The following CADPS variants were observed in gnomAD, a reference collection of about 807,000 sequenced individuals.
CADPS encodes the protein calcium-dependent secretion activator 1.
In CADPS, 57 loss-of-function variants were observed where a neutral mutation model predicts 167.3. The observed-to-expected ratio is 0.34, with a 90% CI of 0.28 to 0.42. The LOEUF (loss-of-function observed/expected upper bound fraction) is 0.42, where lower values mean the gene tolerates loss of function less well. Ranked by LOEUF, CADPS falls within the 20% of genes least tolerant of loss-of-function variation. The probability of loss-of-function intolerance (pLI) is 1.00; values close to 1 mark genes in which losing one functional copy is unlikely to be tolerated. For synonymous variants in CADPS, 676 were observed against 635.3 expected (o/e 1.06, Z -0.96); for missense variants, 1,414 against 1,738.1 (o/e 0.81, Z 3.32).
intron 1 of CADPS, among the ~76,000 whole-genome samples, chr3:62,810,678 T>C (rs939470350): frequency 1.1e-4 from 17 of 152,194 alleles, no homozygotes; most frequent in Non-Finnish European, 1.9e-4. Flanking sequence ...TGCTAAGTCA[T>C]AGAAAACTGA....
chr3:62,625,606 T>G (rs2924118), intron 6 of CADPS: 1 of 150,996 alleles, frequency 6.6e-6, no homozygotes, highest in African/African-American at 2.5e-5. Context: ...CCTATATTTA[T>G]AGATTTCTTT....
chr3:62,555,712 C>T (rs939217253), intron 10 of CADPS, among the ~76,000 whole-genome samples: 1 of 152,088 alleles, frequency 6.6e-6, no homozygotes, highest in Non-Finnish European at 1.5e-5. Flanking sequence ...CCTTTAGCGT[C>T]CCATTTTATG....
intron 1 of CADPS, among the ~76,000 whole-genome samples, chr3:62,770,689 G>A (rs1194782591): frequency 1.3e-5 from 2 of 152,216 alleles, no homozygotes; most frequent in Non-Finnish European, 2.9e-5. Context: ...GCCTCCCAAA[G>A]TGCTGGGATT....
At chr3:62,732,106 G>C (rs986884372) in intron 3 of CADPS, among the ~76,000 whole-genome samples, 1 of 152,126 alleles carries the variant, frequency 6.6e-6, no homozygotes, top group Non-Finnish European at 1.5e-5. Context: ...ATTTGTGGTA[G>C]GTAGCTTCTA....
At position 62,852,930 on chromosome 3, in the gene CADPS, C is replaced by A. The variant is rs533217042; in HGVS notation, c.441+21659G>T. Among the ~76,000 whole-genome samples, 9 of 152,240 alleles carry A rather than the reference C, an allele frequency of 5.9e-5. No homozygotes were observed. The South Asian group carries it at 1.9e-3, about 32-fold the overall frequency. On this transcript the variant is annotated intron_variant, in intron 1 of 29. Transcript: ENST00000383710. ...ATATGTTACTGTTATTTCCAATATTCAATTACTCCTTTATTTTAAAAAATG... is the reference window on the plus strand; with the variant it reads ...ATATGTTACTGTTATTTCCAATATTAAATTACTCCTTTATTTTAAAAAATG...
chr3:62,728,327 G>A (rs1307888549), intron 3 of CADPS, among the ~76,000 whole-genome samples: 6 of 151,816 alleles, frequency 4.0e-5, no homozygotes, highest in Non-Finnish European at 5.9e-5. Context: ...GGAGGTGGAT[G>A]TTATATGTTC....
chr3:62,571,324 G>C (rs1445764561), intron 8 of CADPS, among the ~76,000 whole-genome samples: 2 of 152,108 alleles, frequency 1.3e-5, no homozygotes, highest in Non-Finnish European at 2.9e-5. Flanking sequence ...TTTCACTCAG[G>C]AAAACCTTCC....
At chr3:62,833,624 T>G (rs2075452877) in intron 1 of CADPS, among the ~76,000 whole-genome samples, 1 of 152,116 alleles carries the variant, frequency 6.6e-6, no homozygotes, top group African/African-American at 2.4e-5. Flanking sequence ...TAGAATGGGA[T>G]CTTAACTGAT....
chr3:62,840,465 T>C (rs913073200), intron 1 of CADPS, among the ~76,000 whole-genome samples: 6 of 152,224 alleles, frequency 3.9e-5, no homozygotes, highest in Non-Finnish European at 7.3e-5. Context: ...CTTTCAATCA[T>C]ATAAATGAAA....
At chr3:62,832,211 A>G (rs911320492) in intron 1 of CADPS, among the ~76,000 whole-genome samples, 8 of 152,290 alleles carry the variant, frequency 5.3e-5, no homozygotes, top group Non-Finnish European at 1.0e-4. Context: ...TTTTAGAATC[A>G]CTGGGGCTTG....
At chr3:62,416,364 G>C (rs890010581) in intron 28 of CADPS, among the ~76,000 whole-genome samples, 2 of 152,202 alleles carry the variant, frequency 1.3e-5, no homozygotes, top group Non-Finnish European at 2.9e-5. Context: ...ACTCACACCA[G>C]TGACCTCTTA....
chr3:62,676,138 A>G (rs1239999844), intron 3 of CADPS, among the ~76,000 whole-genome samples: 3 of 152,200 alleles, frequency 2.0e-5, no homozygotes, highest in Non-Finnish European at 4.4e-5. Flanking sequence ...TTATGCTAAC[A>G]TTCCTAGACA....
chr3:62,873,747 G>A (rs958941943), intron 1 of CADPS, among the ~76,000 whole-genome samples: 3 of 151,932 alleles, frequency 2.0e-5, no homozygotes, highest in Non-Finnish European at 4.4e-5. Context: ...CAAGGCAGCA[G>A]TGGCAGGGCT....
chr3:62,425,272 G>GA (rs552078269), intron 28 of CADPS, among the ~76,000 whole-genome samples: 126 of 152,218 alleles, frequency 8.3e-4, no homozygotes, highest in Non-Finnish European at 1.5e-3. Flanking sequence ...TTATGGGGGG[G>GA]CTGTCTTGTT....
At chr3:62,561,097 AAG>A (rs1491434979) in intron 9 of CADPS, among the ~76,000 whole-genome samples, 1 of 150,868 alleles carries the variant, frequency 6.6e-6, no homozygotes, top group African/African-American at 2.4e-5. Context: ...AAAAAAAAAA[AAG>A]AGTGGATGGC....
intron 17 of CADPS, among the ~76,000 whole-genome samples, chr3:62,508,637 A>G (rs985393126): frequency 1.3e-5 from 2 of 152,224 alleles, no homozygotes; most frequent in Admixed American, 1.3e-4. Flanking sequence ...TGAATGGCGC[A>G]GCTTATAATT....
At chr3:62,444,857 G>A (rs1378076172) in intron 27 of CADPS, among the ~76,000 whole-genome samples, 1 of 152,156 alleles carries the variant, frequency 6.6e-6, no homozygotes, top group African/African-American at 2.4e-5. Context: ...ATTTGAACAA[G>A]GGGGGTACTT....
chr3:62,628,823 C>T (rs943180466), intron 6 of CADPS, among the ~76,000 whole-genome samples: 1 of 152,034 alleles, frequency 6.6e-6, no homozygotes, highest in Non-Finnish European at 1.5e-5. Flanking sequence ...AATGGGGTTT[C>T]ACCATGTTGG....
intron 1 of CADPS, among the ~76,000 whole-genome samples, chr3:62,822,137 C>T (rs1327815001): frequency 5.9e-5 from 9 of 151,398 alleles, no homozygotes; most frequent in South Asian, 2.1e-4. Flanking sequence ...TAGATTAGGA[C>T]AACTGAGATA....
Sources: allele counts gnomAD v4.1 joint callset (sites outside exome capture counted in the v4.1 genomes callset), GRCh38; gene constraint gnomAD v4.1.1; transcripts MANE v1.5; gene names NCBI Gene and HGNC (gene_info 2026-07-23, HGNC 2026-07-21).